Variants in BCL2L14 observed in about 807,000 individuals in gnomAD.
BCL2L14 encodes the protein BCL2 like 14.
BCL2L14 carries 27 observed loss-of-function variants against 35.3 expected under a neutral mutation model. The observed-to-expected ratio is 0.76, with a 90% CI of 0.56 to 1.05. BCL2L14 has a LOEUF of 1.05. Among genes scored for constraint, BCL2L14 ranks in the 50% least tolerant of loss-of-function variants. The probability of loss-of-function intolerance (pLI) is 0.00; values close to 1 mark genes in which losing one functional copy is unlikely to be tolerated. For missense variants in BCL2L14, 377 were observed against 382.6 expected (o/e 0.99, Z 0.12); for synonymous variants, 139 against 145.9 (o/e 0.95, Z 0.34).
chr12:12,050,806 AAAAAAAAGAAAAG>A (rs1331686528), intron 1 of BCL2L14, among the ~76,000 whole-genome samples: 7 of 141,180 alleles, frequency 5.0e-5, no homozygotes, highest in Non-Finnish European at 9.4e-5. Context: ...AAAAAAAAAA[AAAAAAAAGAAAAG>A]AAAAGAAAAG....
chr12:12,058,337 G>T (rs1022281774), intron 2 of BCL2L14, among the ~76,000 whole-genome samples: 1 of 150,510 alleles, frequency 6.6e-6, no homozygotes, highest in Non-Finnish European at 1.5e-5. Context: ...TGCAACCTCC[G>T]CTTCCCGGGT....
At chr12:12,077,848 C>A in intron 1 of BCL2L14, 2 of 287,730 alleles carry the variant, frequency 7.0e-6, no homozygotes, top group East Asian at 8.5e-5. Context: ...ACATTTCACA[C>A]GGTAGATCTG....
intron 1 of BCL2L14, among the ~76,000 whole-genome samples, chr12:12,074,445 CTTTTT>C (rs1948736536): frequency 6.6e-6 from 1 of 151,754 alleles, no homozygotes; most frequent in African/African-American, 2.4e-5. Context: ...TTCTTTTTTT[CTTTTT>C]ATTATTTTTT....
chr12:12,069,980 G>A (rs1039218528), upstream of BCL2L14, among the ~76,000 whole-genome samples: 4 of 151,934 alleles, frequency 2.6e-5, no homozygotes, highest in African/African-American at 7.3e-5. Context: ...TTCCTTCATC[G>A]TCACAGTTTG....
At chr12:12,087,760 A>G (rs545924160) in intron 3 of BCL2L14, among the ~76,000 whole-genome samples, 1 of 152,324 alleles carries the variant, frequency 6.6e-6, no homozygotes, top group South Asian at 2.1e-4. Context: ...CAAGCCAGGG[A>G]TTTATATTAT....
At chr12:12,070,755 A>G (rs1948657457), upstream of BCL2L14, among the ~76,000 whole-genome samples, 1 of 152,224 alleles carries the variant, frequency 6.6e-6, no homozygotes, top group South Asian at 2.1e-4. Context: ...TTAACTAACA[A>G]CTGATAAGGA....
In BCL2L14 at chr12:12,088,214, G is replaced by C. The variant is rs145362566; in HGVS notation, c.607+828G>C. 5.8e-3 allele frequency among the ~76,000 whole-genome samples: 876 copies of C among 152,336 alleles called. 8 individuals carry two copies. Among genetic ancestry groups the C allele is most frequent in the Non-Finnish European group, 8.8e-3 (602 of 68,036 alleles). On this transcript the variant is annotated intron_variant, in intron 3 of 5. Coordinates refer to ENST00000308721, the MANE Select transcript of BCL2L14 (RefSeq NM_138723.2). Reference sequence around the variant, plus strand: ...ACAGCTCTCTCTCCTGCGACAGAGAGGGGAACCCAAATGTGACTTCTGGCC... The same window carrying C: ...ACAGCTCTCTCTCCTGCGACAGAGACGGGAACCCAAATGTGACTTCTGGCC...
chr12:12,060,173 C>T (rs531408574), intron 2 of BCL2L14, among the ~76,000 whole-genome samples: 348 of 151,546 alleles, frequency 2.3e-3, no homozygotes, highest in Admixed American at 4.5e-3. Flanking sequence ...ACACCCGGTC[C>T]GGCTTACAGT....
rs777239665 is a variant in BCL2L14 at position 12,098,973 on chromosome 12, TGAA to T, written c.974_976del (p.Glu325del). ...AGGAAAAAATACTTGGGATATCACA[TGAA>T]GAAGTAGACTGAAATATCAGATTTG... On this transcript the variant is annotated inframe_deletion, in exon 6 of 6. Coordinates refer to ENST00000308721, the MANE Select transcript of BCL2L14 (RefSeq NM_138723.2). The T allele has an allele frequency of 6.7e-5, 108 of 1,600,560 alleles. No individual in the cohort carries two copies. Among genetic ancestry groups the T allele is most frequent in the Non-Finnish European group, 8.6e-5 (100 of 1,167,714 alleles).
chr12:12,098,230 T>C (rs144090465), intron 5 of BCL2L14, among the ~76,000 whole-genome samples: 77 of 152,314 alleles, frequency 5.1e-4, no homozygotes, highest in Admixed American at 1.8e-3. Context: ...TGGCTCTCTC[T>C]GCTGTCCTTG....
chr12:12,070,646 C>G (rs976501044), upstream of BCL2L14, among the ~76,000 whole-genome samples: 2 of 151,190 alleles, frequency 1.3e-5, no homozygotes, highest in South Asian at 4.2e-4. Context: ...CACTGCACTC[C>G]AGCCTGGGCA....
intron 2 of BCL2L14, among the ~76,000 whole-genome samples, chr12:12,062,688 G>A (rs1173182621): frequency 1.3e-5 from 2 of 152,024 alleles, no homozygotes; most frequent in African/African-American, 4.8e-5. Context: ...ATAGGAAGAG[G>A]CCTTTCCTAC....
chr12:12,082,022 A>G (rs1002148158), intron 2 of BCL2L14, among the ~76,000 whole-genome samples: 2 of 152,328 alleles, frequency 1.3e-5, no homozygotes, highest in South Asian at 2.1e-4. Context: ...TAGATCACTC[A>G]CTATGATCAA....
At chr12:12,086,488 G>A (rs971495341) in intron 2 of BCL2L14, among the ~76,000 whole-genome samples, 3 of 152,176 alleles carry the variant, frequency 2.0e-5, no homozygotes, top group African/African-American at 7.2e-5. Flanking sequence ...CTGGGCCAAT[G>A]CCATTTCACC....
intron 4 of BCL2L14, among the ~76,000 whole-genome samples, chr12:12,093,080 A>C (rs1949227934): frequency 6.6e-6 from 1 of 152,202 alleles, no homozygotes; most frequent in African/African-American, 2.4e-5. Context: ...AAAGCAGAAG[A>C]GGCAGCATTG....
chr12:12,074,523 C>T (rs1386414328), intron 1 of BCL2L14, among the ~76,000 whole-genome samples: 3 of 151,080 alleles, frequency 2.0e-5, no homozygotes, highest in Non-Finnish European at 4.4e-5. Context: ...ACTGCAACTT[C>T]TACCTCCTGG....
At chr12:12,076,292 C>T (rs73287702) in intron 1 of BCL2L14, among the ~76,000 whole-genome samples, 3,120 of 150,642 alleles carry the variant, frequency 0.021, 152 homozygotes, top group African/African-American at 0.074. Context: ...ACATGACCTT[C>T]GAGGAGACAC....
Position 12,096,385 on chromosome 12 carries a change from A to T in BCL2L14, c.945+1455A>T, listed in dbSNP as rs529081712. On this transcript the variant is annotated intron_variant, in intron 5 of 5. Coordinates refer to ENST00000308721, the MANE Select transcript of BCL2L14 (RefSeq NM_138723.2). ...ACAAGCAACAAAAGAAAGAATAGAT[A>T]CATTGGATTTTGTTTTGTGCTTCCA... Among the ~76,000 whole-genome samples the T allele has an allele frequency of 4.1e-4, 62 of 150,226 alleles. 2 individuals carry two copies. The highest frequency in any genetic ancestry group is 2.4e-3 in the Admixed American group (36 of 14,944).
chr12:12,076,992 A>T (rs1333454780), intron 1 of BCL2L14, among the ~76,000 whole-genome samples: 1 of 152,160 alleles, frequency 6.6e-6, no homozygotes, highest in Non-Finnish European at 1.5e-5. Flanking sequence ...AGCCGTGGCT[A>T]TCCATCCTTC....
Sources: gnomAD v4.1 joint callset for allele counts (sites outside exome capture counted in the v4.1 genomes callset) on GRCh38, gnomAD v4.1.1 for gene constraint, MANE v1.5 for transcripts, NCBI Gene and HGNC (gene_info 2026-07-23, HGNC 2026-07-21) for gene names.